The following SCG3 variants were observed in gnomAD, a reference collection of about 807,000 sequenced individuals.
The protein encoded by SCG3 is secretogranin-3.
In SCG3, 38 loss-of-function variants were observed where a neutral mutation model predicts 56.2. That is an observed-to-expected ratio of 0.68 (90% CI 0.52 to 0.89). SCG3 has a LOEUF of 0.89. SCG3 is among the 40% of genes least tolerant of loss of function. The pLI is 0.00. For synonymous variants in SCG3, 176 were observed against 184.2 expected, an observed-to-expected ratio of 0.96 and a Z score of 0.36; for missense variants, 524 against 540.7, an observed-to-expected ratio of 0.97 and a Z score of 0.31.
chr15:51,681,778 C>T lies in SCG3; in HGVS notation c.23C>T (p.Thr8Ile). The T allele has an allele frequency of 1.9e-6, 3 of 1,614,132 alleles. No homozygotes were observed. Among genetic ancestry groups the T allele is most frequent in the Non-Finnish European group, 1.7e-6 (2 of 1,180,008 alleles). ...AGAATGGGGTTCCTCGGGACCGGCA[C>T]TTGGATTCTGGTGTTAGTGCTCCCG... MGFLGTG[T>I]WILVLVLPIQ... Residue 8 changes from threonine (T) to isoleucine (I), a missense_variant, in exon 1 of 12, where the codon ACT (threonine) becomes ATT (isoleucine). Thr to Ile is a moderately conservative substitution (Grantham distance 89, BLOSUM62 -1). Transcript: ENST00000220478.
At chr15:51,718,942 T>C (rs757204166) in intron 11 of SCG3, among the ~76,000 whole-genome samples, 1 of 152,194 alleles carries the variant, frequency 6.6e-6, no homozygotes, top group Non-Finnish European at 1.5e-5. Flanking sequence ...TAACTTTTAC[T>C]ACCTATGTGA....
chr15:51,706,983 C>T (rs2055380436), intron 10 of SCG3, among the ~76,000 whole-genome samples: 1 of 152,204 alleles, frequency 6.6e-6, no homozygotes, highest in African/African-American at 2.4e-5. Context: ...TCAACCAAAT[C>T]TATAAAGTTG....
chr15:51,688,500 G>C (rs747681815), intron 5 of SCG3, 98 bp downstream of exon 5: 35 of 1,098,790 alleles, frequency 3.2e-5, no homozygotes, highest in Non-Finnish European at 4.2e-5. Flanking sequence ...TGTTTATAAT[G>C]TGTCTTCCTT....
At chr15:51,694,901 C>T (rs2055292919) in intron 7 of SCG3, among the ~76,000 whole-genome samples, 1 of 151,990 alleles carries the variant, frequency 6.6e-6, no homozygotes, top group South Asian at 2.1e-4. Context: ...CATGGTGGCG[C>T]ACGCCTATAA....
At position 51,717,404 on chromosome 15, in the gene SCG3, G is replaced by C. The variant is rs528091536; in HGVS notation, c.1289-2004G>C. On this transcript the variant is annotated intron_variant, in intron 11 of 11. Coordinates refer to ENST00000220478, the MANE Select transcript of SCG3 (RefSeq NM_013243.4). ...AAAAATTAGCCAGGTGTGGTGGTGT[G>C]CGCTTGTAGTCCCAAGTTACTCAGG... 3.3e-5 allele frequency among the ~76,000 whole-genome samples: 5 copies of C among 151,582 alleles called. No homozygotes were observed. In the South Asian group the frequency reaches 1.0e-3, roughly 32 times the overall value.
intron 10 of SCG3, among the ~76,000 whole-genome samples, chr15:51,702,801 C>T (rs1048442156): frequency 4.6e-5 from 7 of 152,132 alleles, no homozygotes; most frequent in African/African-American, 7.2e-5. Context: ...TGTGAACAAA[C>T]GGTTTGAACC....
At chr15:51,689,173 A>C (rs770007753) in intron 5 of SCG3, 46 bp from the exon 6 acceptor site, 41 of 1,578,226 alleles carry the variant, frequency 2.6e-5, no homozygotes, top group Non-Finnish European at 3.4e-5. Flanking sequence ...TTTAATAACA[A>C]GACTGGGAAT....
intron 9 of SCG3, 80 bp downstream of exon 9, chr15:51,699,482 A>G (rs187316748): frequency 2.1e-6 from 2 of 938,586 alleles, no homozygotes; most frequent in East Asian, 2.6e-5. Flanking sequence ...AATAAACATT[A>G]ATTTAAAAAT....
At chr15:51,689,438 T>A (rs1443336196) in intron 6 of SCG3, 70 bp downstream of exon 6, 1 of 1,431,988 alleles carries the variant, frequency 7.0e-7, no homozygotes, top group East Asian at 2.5e-5. Flanking sequence ...TGTGTACTTC[T>A]ATCTGTATAA....
intron 10 of SCG3, among the ~76,000 whole-genome samples, chr15:51,708,706 A>G (rs576581382): frequency 3.3e-5 from 5 of 152,272 alleles, no homozygotes; most frequent in African/African-American, 1.2e-4. Context: ...AATACAAAAA[A>G]AATTAGCTGG....
chr15:51,697,959 T>A (rs2055314554), intron 8 of SCG3, among the ~76,000 whole-genome samples: 1 of 152,142 alleles, frequency 6.6e-6, no homozygotes, highest in Non-Finnish European at 1.5e-5. Context: ...CAGGGCAGCA[T>A]GGGTAGAAGA....
intron 4 of SCG3, 60 bp from the exon 5 acceptor site, chr15:51,688,200 T>C: frequency 6.7e-7 from 1 of 1,489,236 alleles, no homozygotes; most frequent in Non-Finnish European, 9.2e-7. Flanking sequence ...ATAAGTATAA[T>C]ATGATGCATG....
In SCG3 at chr15:51,701,089, T is replaced by A. The variant is rs776986399; in HGVS notation, c.1070-18T>A. On this transcript the variant is annotated intron_variant, in intron 9 of 11. Transcript: ENST00000220478. Reference sequence around the variant, plus strand: ...ATAGGAAACAGGGCTATGACAACAATGCTCAATCTGATTACAGCACCATCA... The same window carrying A: ...ATAGGAAACAGGGCTATGACAACAAAGCTCAATCTGATTACAGCACCATCA... 1.2e-6 allele frequency: 2 copies of A among 1,612,898 alleles called. No homozygotes were observed. The highest frequency in any genetic ancestry group is 2.7e-5 in the African/African-American group (2 of 74,844).
chr15:51,704,266 T>TACATAC (rs1248439374), intron 10 of SCG3, among the ~76,000 whole-genome samples: 11 of 135,978 alleles, frequency 8.1e-5, no homozygotes, highest in African/African-American at 3.2e-4. Context: ...TATATATATA[T>TACATAC]ATATATATAT....
Position 51,712,700 on chromosome 15 carries a change from T to G in SCG3, c.1208-633T>G, listed in dbSNP as rs117743042. On this transcript the variant is annotated intron_variant, in intron 10 of 11. Transcript: ENST00000220478. Reference sequence around the variant, plus strand: ...GGTGCATGAGTGATGCCTGGTATTCTCATGCCACACTTGAGGCCCATCGAA... The same window carrying G: ...GGTGCATGAGTGATGCCTGGTATTCGCATGCCACACTTGAGGCCCATCGAA... Among the ~76,000 whole-genome samples the G allele has an allele frequency of 1.3e-3, 198 of 152,290 alleles. 4 individuals carry two copies. In the East Asian group the frequency reaches 0.033, roughly 25 times the overall value.
chr15:51,699,080 A>G (rs183941281), intron 8 of SCG3, among the ~76,000 whole-genome samples: 28 of 152,322 alleles, frequency 1.8e-4, no homozygotes, highest in African/African-American at 6.7e-4. Flanking sequence ...GAGATGCAGA[A>G]GCGACTTCTG....
At chr15:51,711,863 T>G (rs1022755813) in intron 10 of SCG3, among the ~76,000 whole-genome samples, 1 of 152,180 alleles carries the variant, frequency 6.6e-6, no homozygotes, top group Non-Finnish European at 1.5e-5. Flanking sequence ...TGTGCTTCTT[T>G]GGGGACCAGA....
At chr15:51,703,975 G>A (rs987438952) in intron 10 of SCG3, among the ~76,000 whole-genome samples, 1 of 151,504 alleles carries the variant, frequency 6.6e-6, no homozygotes, top group Admixed American at 6.6e-5. Flanking sequence ...CATAGCTGAT[G>A]TGTCAACTCC....
chr15:51,685,401 C>A (rs1371302452), intron 4 of SCG3, among the ~76,000 whole-genome samples: 1 of 152,176 alleles, frequency 6.6e-6, no homozygotes, highest in Non-Finnish European at 1.5e-5. Flanking sequence ...GATCTGACCG[C>A]TAATTTGAGC....
Sources: gnomAD v4.1 joint callset for allele counts (sites outside exome capture counted in the v4.1 genomes callset) on GRCh38, gnomAD v4.1.1 for gene constraint, MANE v1.5 for transcripts, NCBI Gene and HGNC (gene_info 2026-07-23, HGNC 2026-07-21) for gene names.